SLC24A2: variants seen among roughly 807,000 people sequenced by gnomAD.
SLC24A2 encodes the protein sodium/potassium/calcium exchanger 2.
In SLC24A2, 36 loss-of-function variants were observed where a neutral mutation model predicts 62.0. The ratio of observed to expected loss-of-function variants is 0.58; its 90% CI spans 0.44 to 0.77. The LOEUF is 0.77. Ranked by LOEUF, SLC24A2 falls within the 30% of genes least tolerant of loss-of-function variation. The pLI is 0.00. For missense variants in SLC24A2, 846 were observed against 817.9 expected, an observed-to-expected ratio of 1.03 and a Z score of -0.42; for synonymous variants, 358 against 294.0, an observed-to-expected ratio of 1.22 and a Z score of -2.23.
At chr9:19,700,899 C>A (rs556993825) in intron 2 of SLC24A2, among the ~76,000 whole-genome samples, 2 of 152,234 alleles carry the variant, frequency 1.3e-5, no homozygotes, top group South Asian at 4.1e-4. Flanking sequence ...AAATGCAGAC[C>A]TAACGGATCA....
intron 9 of SLC24A2, 54 bp downstream of exon 9, chr9:19,527,995 A>G: frequency 9.2e-7 from 1 of 1,085,024 alleles, no homozygotes. Context: ...TAAACACTTG[A>G]CAATCAGGAC....
chr9:20,199,057 A>T, the SLC24A2 span, among the ~76,000 whole-genome samples: 1 of 152,214 alleles, frequency 6.6e-6, no homozygotes, highest in African/African-American at 2.4e-5. Context: ...ACAAGGATGT[A>T]TGGACCTTTT....
upstream of SLC24A2, among the ~76,000 whole-genome samples, chr9:19,791,716 T>A (rs969730099): frequency 6.6e-6 from 1 of 152,228 alleles, no homozygotes; most frequent in African/African-American, 2.4e-5. Flanking sequence ...TATTGCCTAG[T>A]CATAAAGAAA....
intron 8 of SLC24A2, among the ~76,000 whole-genome samples, chr9:19,541,763 A>G (rs1586921929): frequency 6.8e-6 from 1 of 148,142 alleles, no homozygotes; most frequent in Admixed American, 6.7e-5. Context: ...TGCTTTGTTT[A>G]CCTAAGCAAG....
At chr9:19,901,223 A>G in the SLC24A2 span, among the ~76,000 whole-genome samples, 1 of 152,210 alleles carries the variant, frequency 6.6e-6, no homozygotes, top group African/African-American at 2.4e-5. Context: ...ATGTGATAAT[A>G]GAGATGTTTA....
At chr9:19,810,955 A>G in the SLC24A2 span, among the ~76,000 whole-genome samples, 1 of 150,574 alleles carries the variant, frequency 6.6e-6, no homozygotes, top group African/African-American at 2.4e-5. Flanking sequence ...TTGAAAATAA[A>G]ATTCTTCTTC....
the SLC24A2 span, among the ~76,000 whole-genome samples, chr9:19,794,965 A>G: frequency 6.6e-6 from 1 of 152,230 alleles, no homozygotes; most frequent in Non-Finnish European, 1.5e-5. Flanking sequence ...AACATAAAAT[A>G]AAGCTTAAAA....
At chr9:20,048,104 A>T in the SLC24A2 span, among the ~76,000 whole-genome samples, 2,800 of 152,244 alleles carry the variant, frequency 0.018, 79 homozygotes, top group African/African-American at 0.064. Flanking sequence ...AACAGCTACC[A>T]CTTATTGAGC....
the SLC24A2 span, among the ~76,000 whole-genome samples, chr9:20,073,484 C>T: frequency 1.3e-5 from 2 of 152,040 alleles, no homozygotes; most frequent in Non-Finnish European, 2.9e-5. Context: ...TTCATAGATC[C>T]CACCAACACT....
intron 2 of SLC24A2, among the ~76,000 whole-genome samples, chr9:19,656,850 G>A (rs552772507): frequency 1.6e-4 from 25 of 152,182 alleles, no homozygotes; most frequent in Middle Eastern, 6.8e-3. Flanking sequence ...CGCATCCACC[G>A]TTACCTCTCA....
chr9:19,579,647 A>T lies in SLC24A2; in HGVS notation c.1130-2625T>A, dbSNP rs200435703. Among the ~76,000 whole-genome samples, 4 of 152,370 alleles carry T rather than the reference A, an allele frequency of 2.6e-5. No individual in the cohort carries two copies. In the East Asian group the frequency reaches 5.8e-4, roughly 22 times the overall value. On this transcript the variant is annotated intron_variant, in intron 5 of 10. Transcript: ENST00000341998. ...CTGTAAGATAATAATAAAGCAGGAA[A>T]GCATTCAGAAGCGGCAACAAATAGG...
At chr9:20,043,808 A>AAGAGGATTT in the SLC24A2 span, among the ~76,000 whole-genome samples, 650 of 152,334 alleles carry the variant, frequency 4.3e-3, 8 homozygotes, top group African/African-American at 0.015. Flanking sequence ...TGAAATGATG[A>AAGAGGATTT]AGAGGATTTA....
the SLC24A2 span, among the ~76,000 whole-genome samples, chr9:20,241,257 A>G: frequency 9.0e-4 from 137 of 152,346 alleles, no homozygotes; most frequent in Admixed American, 1.8e-3. Flanking sequence ...TGAAAGTTTT[A>G]ATCTGAATGA....
the SLC24A2 span, among the ~76,000 whole-genome samples, chr9:19,910,092 T>C: frequency 3.9e-5 from 6 of 152,120 alleles, no homozygotes; most frequent in Admixed American, 6.6e-5. Flanking sequence ...CTGAAATGTA[T>C]AGTCTAGCGT....
the SLC24A2 span, among the ~76,000 whole-genome samples, chr9:19,936,797 T>A: frequency 6.6e-6 from 1 of 152,196 alleles, no homozygotes; most frequent in Admixed American, 6.5e-5. Context: ...TATCTCAAGA[T>A]GATAAATGGG....
the SLC24A2 span, among the ~76,000 whole-genome samples, chr9:19,997,732 T>G: frequency 6.6e-6 from 1 of 152,206 alleles, no homozygotes; most frequent in Non-Finnish European, 1.5e-5. Context: ...ACACACAGAT[T>G]CAGCTCTGTT....
the SLC24A2 span, among the ~76,000 whole-genome samples, chr9:20,276,824 T>C: frequency 1.3e-5 from 2 of 152,206 alleles, no homozygotes; most frequent in African/African-American, 4.8e-5. Context: ...CCACCAAAGT[T>C]TGGGGCTTGC....
At chr9:19,861,678 A>G in the SLC24A2 span, among the ~76,000 whole-genome samples, 9,236 of 152,250 alleles carry the variant, frequency 0.061, 405 homozygotes, top group African/African-American at 0.11. Context: ...ACTCAAAGAA[A>G]TTCAAGATAA....
chr9:20,295,626 G>C, the SLC24A2 span, among the ~76,000 whole-genome samples: 3 of 151,636 alleles, frequency 2.0e-5, no homozygotes, highest in Non-Finnish European at 2.9e-5. Flanking sequence ...AGGTGAACTG[G>C]TCTTCCACTG....
Sources: gnomAD v4.1 joint callset for allele counts (sites outside exome capture counted in the v4.1 genomes callset) on GRCh38, gnomAD v4.1.1 for gene constraint, MANE v1.5 for transcripts, NCBI Gene and HGNC (gene_info 2026-07-23, HGNC 2026-07-21) for gene names.